The following PCMT1 variants were observed in gnomAD, a reference collection of about 807,000 sequenced individuals.
PCMT1 encodes protein-L-isoaspartate(D-aspartate) O-methyltransferase.
PCMT1 carries 9 observed loss-of-function variants against 29.2 expected under a neutral mutation model. The observed-to-expected ratio is 0.31, with a 90% CI of 0.19 to 0.54. PCMT1 has a LOEUF of 0.54. Ranked by LOEUF, PCMT1 falls within the 20% of genes least tolerant of loss-of-function variation. PCMT1 has a pLI of 0.95. For synonymous variants in PCMT1, 98 were observed against 97.5 expected, an observed-to-expected ratio of 1.00 and a Z score of -0.03; for missense variants, 184 against 282.2, an observed-to-expected ratio of 0.65 and a Z score of 2.49.
chr6:149,795,428 C>A, intron 5 of PCMT1: 1 of 402,118 alleles, frequency 2.5e-6, no homozygotes, highest in Non-Finnish European at 4.8e-6. Flanking sequence ...AGAAGGAGCT[C>A]TGAATATAAG....
Position 149,810,653 on chromosome 6 carries a change from A to G in PCMT1, c.*75A>G, listed in dbSNP as rs530296905. ...AAAGCAACATCAGCTTGACCAGTAT[A>G]AAATTACAGTGGATTGCTCATCTCA... On this transcript the variant is annotated 3_prime_UTR_variant, in exon 8 of 8. Transcript: ENST00000464889. 1.0e-4 allele frequency: 157 copies of G among 1,537,398 alleles called. No individual in the cohort carries two copies. In the African/African-American group the frequency reaches 1.8e-3, roughly 18 times the overall value.
chr6:149,764,754 A>G (rs1256338397), intron 1 of PCMT1, among the ~76,000 whole-genome samples: 1 of 151,894 alleles, frequency 6.6e-6, no homozygotes, highest in Non-Finnish European at 1.5e-5. Context: ...AAAATTAAAA[A>G]ATGGGGCCAG....
At chr6:149,752,597 T>C (rs1786366974) in intron 1 of PCMT1, among the ~76,000 whole-genome samples, 2 of 152,220 alleles carry the variant, frequency 1.3e-5, no homozygotes, top group Non-Finnish European at 2.9e-5. Context: ...GTATGAAGTA[T>C]GATTTGGGTT....
At chr6:149,775,482 T>A (rs1218269378) in intron 3 of PCMT1, among the ~76,000 whole-genome samples, 1 of 151,808 alleles carries the variant, frequency 6.6e-6, no homozygotes, top group African/African-American at 2.4e-5. Flanking sequence ...GAGGCAGGAA[T>A]ATCGCTAGAA....
chr6:149,792,861 C>T (rs2115317279), intron 4 of PCMT1, among the ~76,000 whole-genome samples: 1 of 152,112 alleles, frequency 6.6e-6, no homozygotes, highest in South Asian at 2.1e-4. Flanking sequence ...TGTAGAAATT[C>T]CTTCCCATCA....
At chr6:149,806,956 G>A (rs1304880153) in intron 7 of PCMT1, among the ~76,000 whole-genome samples, 5 of 152,156 alleles carry the variant, frequency 3.3e-5, no homozygotes. Context: ...TGTCTCACCA[G>A]CTTTCCACCT....
At chr6:149,772,974 G>A (rs533417307) in intron 2 of PCMT1, among the ~76,000 whole-genome samples, 164 bp from the exon 3 acceptor site, 4 of 145,456 alleles carry the variant, frequency 2.7e-5, no homozygotes, top group Non-Finnish European at 5.9e-5. Context: ...CCAAGATCGC[G>A]CCACTGCACT....
At chr6:149,809,910 C>G (rs1776117821) in intron 7 of PCMT1, 1 of 152,160 alleles carries the variant, frequency 6.6e-6, no homozygotes, top group Admixed American at 6.5e-5. Flanking sequence ...TTACCTTCAG[C>G]TATGAGGCTT....
At chr6:149,794,483 T>C (rs184089354) in intron 5 of PCMT1, among the ~76,000 whole-genome samples, 1 of 152,124 alleles carries the variant, frequency 6.6e-6, no homozygotes, top group African/African-American at 2.4e-5. Context: ...CTGGGCGTGG[T>C]GGCGCACGCC....
chr6:149,796,354 G>A (rs1167985411), intron 5 of PCMT1, 61 bp from the exon 6 acceptor site: 2 of 1,126,638 alleles, frequency 1.8e-6, no homozygotes, highest in East Asian at 4.8e-5. Context: ...TCCTGTACTA[G>A]AATTCTTCAC....
intron 3 of PCMT1, among the ~76,000 whole-genome samples, chr6:149,786,320 AC>A (rs1305060121): frequency 1.3e-4 from 4 of 30,922 alleles, no homozygotes; most frequent in South Asian, 2.0e-3. Context: ...GCGGGGGCTG[AC>A]CCCCCCACCT....
At chr6:149,758,910 CTT>C (rs1444354476) in intron 1 of PCMT1, among the ~76,000 whole-genome samples, 7 of 151,714 alleles carry the variant, frequency 4.6e-5, no homozygotes, top group African/African-American at 1.7e-4. Context: ...GAGTTTTGCT[CTT>C]GTTGCCCAGG....
intron 5 of PCMT1, chr6:149,794,721 G>T: frequency 2.3e-6 from 1 of 434,332 alleles, no homozygotes; most frequent in Admixed American, 2.5e-5. Context: ...GCTTGCCTTG[G>T]CCTTTGCCCT....
chr6:149,750,196 G>C (rs1786247349), intron 1 of PCMT1: 1 of 593,656 alleles, frequency 1.7e-6, no homozygotes, highest in Admixed American at 3.1e-5. Flanking sequence ...GCTGGTGGGG[G>C]CAGGGGCAGT....
chr6:149,798,309 A>C (rs917074963), intron 6 of PCMT1: 2 of 152,028 alleles, frequency 1.3e-5, no homozygotes, highest in African/African-American at 2.4e-5. Context: ...TTAACTTTTC[A>C]AAAAAAATAT....
chr6:149,768,264 A>G (rs866150610), intron 1 of PCMT1, among the ~76,000 whole-genome samples: 2 of 149,856 alleles, frequency 1.3e-5, no homozygotes, highest in Admixed American at 6.7e-5. Flanking sequence ...CTAATTTTCA[A>G]ATTTTTTTAA....
intron 3 of PCMT1, among the ~76,000 whole-genome samples, chr6:149,778,128 C>T (rs1325552231): frequency 6.6e-6 from 1 of 151,540 alleles, no homozygotes; most frequent in Non-Finnish European, 1.5e-5. Context: ...CTGCCTGACT[C>T]GGCCTCCCAA....
intron 1 of PCMT1, among the ~76,000 whole-genome samples, chr6:149,750,929 T>C (rs1466030915): frequency 1.3e-5 from 2 of 152,208 alleles, no homozygotes; most frequent in Admixed American, 1.3e-4. Context: ...TGTCACATGG[T>C]ATTTTTAATT....
At chr6:149,751,318 C>CAA (rs78513427) in intron 1 of PCMT1, among the ~76,000 whole-genome samples, 1 of 150,168 alleles carries the variant, frequency 6.7e-6, no homozygotes, top group African/African-American at 2.4e-5. Flanking sequence ...AACTCCGCCT[C>CAA]AAAAAAAAAA....
Sources: allele counts gnomAD v4.1 joint callset (sites outside exome capture counted in the v4.1 genomes callset), GRCh38; gene constraint gnomAD v4.1.1; transcripts MANE v1.5; gene names NCBI Gene and HGNC (gene_info 2026-07-23, HGNC 2026-07-21).